The following ADAM23 variants were observed in gnomAD, a reference collection of about 807,000 sequenced individuals.
The protein encoded by ADAM23 is disintegrin and metalloproteinase domain-containing protein 23.
A neutral mutation model predicts 120.1 loss-of-function variants in ADAM23; 33 were observed. That is an observed-to-expected ratio of 0.27 (90% CI 0.21 to 0.37). The LOEUF is 0.37. Ranked by LOEUF, ADAM23 falls within the 10% of genes least tolerant of loss-of-function variation. The probability of loss-of-function intolerance (pLI) is 1.00; values close to 1 mark genes in which losing one functional copy is unlikely to be tolerated. For synonymous variants in ADAM23, 367 were observed against 375.2 expected (o/e 0.98, Z 0.25); for missense variants, 862 against 1,058.2 (o/e 0.81, Z 2.57).
At chr2:206,536,134 G>A (rs1210484020) in intron 4 of ADAM23, among the ~76,000 whole-genome samples, 1 of 152,110 alleles carries the variant, frequency 6.6e-6, no homozygotes, top group Non-Finnish European at 1.5e-5. Context: ...TGGTTTTACT[G>A]TATAGCATAA....
intron 24 of ADAM23, among the ~76,000 whole-genome samples, chr2:206,604,124 G>T (rs2105859923): frequency 6.6e-6 from 1 of 152,136 alleles, no homozygotes; most frequent in East Asian, 1.9e-4. Context: ...AAATTAGCCG[G>T]GTGTGGTGGT....
chr2:206,608,005 G>T (rs542454782), intron 24 of ADAM23: 1 of 449,006 alleles, frequency 2.2e-6, no homozygotes, highest in South Asian at 1.6e-5. Context: ...AAAGCATAGA[G>T]TATGTACATG....
rs1332534237 is a variant in ADAM23 at position 206,446,585 on chromosome 2, G to A, written c.432+1061G>A. Reference sequence around the variant, plus strand: ...AGCTAGAAATTTAAGGCTTTTGGGTGATTTTCCTATGTTGTAAAGCAGCTA... The same window carrying A: ...AGCTAGAAATTTAAGGCTTTTGGGTAATTTTCCTATGTTGTAAAGCAGCTA... On this transcript the variant is annotated intron_variant, in intron 2 of 25. Coordinates refer to ENST00000264377, the MANE Select transcript of ADAM23 (RefSeq NM_003812.4). 2.0e-5 allele frequency among the ~76,000 whole-genome samples: 3 copies of A among 152,134 alleles called. No homozygotes were observed. In the East Asian group the frequency reaches 5.8e-4, roughly 29 times the overall value.
At chr2:206,486,066 G>A (rs1696005973) in intron 3 of ADAM23, among the ~76,000 whole-genome samples, 1 of 152,216 alleles carries the variant, frequency 6.6e-6, no homozygotes, top group Non-Finnish European at 1.5e-5. Context: ...CAGAGAGGAA[G>A]CAGCTGTGCA....
chr2:206,491,370 G>A (rs1031562261), intron 3 of ADAM23, among the ~76,000 whole-genome samples: 1 of 152,148 alleles, frequency 6.6e-6, no homozygotes, highest in African/African-American at 2.4e-5. Context: ...CTAAGAATTT[G>A]TAGCAAAATC....
Position 206,525,783 on chromosome 2 carries a change from G to A in ADAM23, c.510-5102G>A, listed in dbSNP as rs1220816549. Among the ~76,000 whole-genome samples the A allele has an allele frequency of 2.6e-5, 4 of 152,082 alleles. No individual in the cohort carries two copies. In the East Asian group the frequency reaches 7.7e-4, roughly 29 times the overall value. On this transcript the variant is annotated intron_variant, in intron 3 of 25. Transcript: ENST00000264377. ...ATTTTTGTATTTTTAGTACAGATGG[G>A]GTTTCAGCATGTTGGCCAGGCTGGT...
chr2:206,601,275 C>G (rs181834993), intron 24 of ADAM23, among the ~76,000 whole-genome samples: 1 of 152,164 alleles, frequency 6.6e-6, no homozygotes, highest in Non-Finnish European at 1.5e-5. Context: ...TTTGGTCAGA[C>G]CTTTTCATCA....
intron 9 of ADAM23, among the ~76,000 whole-genome samples, chr2:206,554,474 C>T (rs997795869): frequency 3.3e-5 from 5 of 152,074 alleles, no homozygotes; most frequent in Admixed American, 6.6e-5. Flanking sequence ...CTTAACTATG[C>T]GTCAATAAAT....
At position 206,445,518 on chromosome 2, in the gene ADAM23, T is replaced by C. The variant is rs938716587; in HGVS notation, c.426T>C (p.His142=). Residue 142 remains histidine, a synonymous_variant, in exon 2 of 26, where the codon CAT becomes CAC. Coordinates refer to ENST00000264377, the MANE Select transcript of ADAM23 (RefSeq NM_003812.4). Reference sequence around the variant, plus strand: ...CAAAGGCAAGACACCAGCAAAAACATAATAAGGTAGGCAGGAGGCTGGCTA... The same window carrying C: ...CAAAGGCAAGACACCAGCAAAAACACAATAAGGTAGGCAGGAGGCTGGCTA... ...LDTKARHQQK[H]NKAVHLAQAS... The C allele has an allele frequency of 6.2e-7, 1 of 1,612,560 alleles. No individual in the cohort carries two copies. The highest frequency in any genetic ancestry group is 1.3e-5 in the African/African-American group (1 of 74,870).
At chr2:206,545,174 A>G (rs994142095) in intron 6 of ADAM23, among the ~76,000 whole-genome samples, 2 of 152,176 alleles carry the variant, frequency 1.3e-5, no homozygotes, top group Admixed American at 6.5e-5. Flanking sequence ...AACATTTTTT[A>G]TCTTTAGGGA....
chr2:206,536,718 T>C (rs1010005361), intron 4 of ADAM23, among the ~76,000 whole-genome samples: 3 of 152,164 alleles, frequency 2.0e-5, no homozygotes, highest in Non-Finnish European at 4.4e-5. Flanking sequence ...CACAACTTTT[T>C]TTTTTGAGAC....
intron 3 of ADAM23, among the ~76,000 whole-genome samples, chr2:206,509,245 A>G (rs1477611305): frequency 1.3e-5 from 2 of 152,182 alleles, no homozygotes; most frequent in African/African-American, 4.8e-5. Flanking sequence ...AAAGTGAAAA[A>G]CAGATTCGTA....
chr2:206,564,499 G>T (rs1697839310), intron 13 of ADAM23, among the ~76,000 whole-genome samples: 1 of 152,184 alleles, frequency 6.6e-6, no homozygotes, highest in Non-Finnish European at 1.5e-5. Context: ...GTGATGATAT[G>T]TTGTGTTTGT....
At chr2:206,578,968 G>C (rs901203348) in intron 18 of ADAM23, among the ~76,000 whole-genome samples, 1 of 152,070 alleles carries the variant, frequency 6.6e-6, no homozygotes, top group South Asian at 2.1e-4. Context: ...TTGTGATTTT[G>C]ATTTGCATTT....
At chr2:206,525,227 T>A (rs1274047619) in intron 3 of ADAM23, among the ~76,000 whole-genome samples, 3 of 152,198 alleles carry the variant, frequency 2.0e-5, no homozygotes, top group African/African-American at 7.2e-5. Context: ...GAAGAAATGC[T>A]GTGTGGGCCT....
At chr2:206,489,179 C>G (rs1240454029) in intron 3 of ADAM23, among the ~76,000 whole-genome samples, 1 of 152,190 alleles carries the variant, frequency 6.6e-6, no homozygotes. Flanking sequence ...GCACCTTGAC[C>G]TATACCAGCC....
At chr2:206,449,662 C>T (rs909546124) in intron 2 of ADAM23, among the ~76,000 whole-genome samples, 5 of 152,274 alleles carry the variant, frequency 3.3e-5, no homozygotes, top group South Asian at 2.1e-4. Context: ...CCCAGCTACT[C>T]GGGAGACTGA....
intron 3 of ADAM23, among the ~76,000 whole-genome samples, chr2:206,493,696 A>G (rs964275588): frequency 6.6e-6 from 1 of 152,210 alleles, no homozygotes; most frequent in South Asian, 2.1e-4. Context: ...AAATGAAACA[A>G]TTTCTACAAA....
At chr2:206,485,654 T>G (rs1256274370) in intron 3 of ADAM23, among the ~76,000 whole-genome samples, 1 of 152,176 alleles carries the variant, frequency 6.6e-6, no homozygotes, top group African/African-American at 2.4e-5. Context: ...TCAGCAAATG[T>G]TGAGTGAGCA....
Sources: gnomAD v4.1 joint callset for allele counts (sites outside exome capture counted in the v4.1 genomes callset) on GRCh38, gnomAD v4.1.1 for gene constraint, MANE v1.5 for transcripts, NCBI Gene and HGNC (gene_info 2026-07-23, HGNC 2026-07-21) for gene names.